UNC13C: variants seen among roughly 807,000 people sequenced by gnomAD.
UNC13C encodes the protein unc-13 homolog C.
In UNC13C, 174 loss-of-function variants were observed where a neutral mutation model predicts 245.4. The ratio of observed to expected loss-of-function variants is 0.71; its 90% CI spans 0.63 to 0.80. The LOEUF is 0.80. Among genes scored for constraint, UNC13C ranks in the 30% least tolerant of loss-of-function variants. The pLI is 0.00. For synonymous variants in UNC13C, 992 were observed against 895.1 expected, an observed-to-expected ratio of 1.11 and a Z score of -1.93; for missense variants, 2,829 against 2,602.9, an observed-to-expected ratio of 1.09 and a Z score of -1.89.
chr15:54,595,380 G>A (rs535640124), intron 30 of UNC13C, among the ~76,000 whole-genome samples: 1 of 151,970 alleles, frequency 6.6e-6, no homozygotes, highest in Non-Finnish European at 1.5e-5. Context: ...CACAAAGGAG[G>A]GTCTCCTTTT....
At chr15:54,060,867 G>A (rs12904351) in intron 2 of UNC13C, among the ~76,000 whole-genome samples, 2 of 151,794 alleles carry the variant, frequency 1.3e-5, no homozygotes, top group Middle Eastern at 3.2e-3. Flanking sequence ...CTATCACAAG[G>A]ACAAAAAACC....
intron 2 of UNC13C, among the ~76,000 whole-genome samples, chr15:54,038,124 A>ATATAAAAATTTTTTTTT: frequency 4.4e-5 from 2 of 45,040 alleles, no homozygotes; most frequent in African/African-American, 2.1e-4. Flanking sequence ...ATATATATAT[A>ATATAAAAATTTTTTTTT]TTTTTTTTTT....
At chr15:54,017,671 GC>G (rs1294928261) in intron 2 of UNC13C, among the ~76,000 whole-genome samples, 1 of 152,280 alleles carries the variant, frequency 6.6e-6, no homozygotes, top group East Asian at 1.9e-4. Context: ...AAATTAGCAA[GC>G]CTCTGCAAAG....
intron 18 of UNC13C, among the ~76,000 whole-genome samples, chr15:54,411,175 A>G (rs1367733110): frequency 6.6e-6 from 1 of 152,092 alleles, no homozygotes; most frequent in Non-Finnish European, 1.5e-5. Flanking sequence ...TCATTTGCCC[A>G]TTTTTATTGA....
intron 2 of UNC13C, among the ~76,000 whole-genome samples, chr15:54,082,945 C>G (rs1350088288): frequency 1.3e-5 from 2 of 152,152 alleles, no homozygotes; most frequent in African/African-American, 4.8e-5. Flanking sequence ...CCATCTCCTG[C>G]TGTGCTCCGG....
At chr15:54,033,741 G>A (rs1468982038) in intron 2 of UNC13C, among the ~76,000 whole-genome samples, 3 of 152,142 alleles carry the variant, frequency 2.0e-5, no homozygotes, top group African/African-American at 4.8e-5. Flanking sequence ...TGTTAGGACA[G>A]CACATGATAT....
Position 54,592,837 on chromosome 15 carries a change from G to A in UNC13C, c.6106+24890G>A, listed in dbSNP as rs375494013. On this transcript the variant is annotated intron_variant, in intron 30 of 32. Coordinates refer to ENST00000260323, the MANE Select transcript of UNC13C (RefSeq NM_001080534.3). Reference sequence around the variant, plus strand: ...AGGTACTATTGCATTCATCATGCTCGTTGTTGCCTGTGTACTTTGTTTTTT... The same window carrying A: ...AGGTACTATTGCATTCATCATGCTCATTGTTGCCTGTGTACTTTGTTTTTT... Among the ~76,000 whole-genome samples, 5 of 147,308 alleles carry A rather than the reference G, an allele frequency of 3.4e-5. No homozygotes were observed. In the East Asian group the frequency reaches 1.0e-3, roughly 29 times the overall value.
chr15:53,933,682 T>TG, the UNC13C span, among the ~76,000 whole-genome samples: 4 of 152,230 alleles, frequency 2.6e-5, no homozygotes, highest in African/African-American at 9.6e-5. Flanking sequence ...TGCACTATGC[T>TG]GTTGAATACG....
Position 54,271,125 on chromosome 15 carries a change from A to C in UNC13C, c.3818+5629A>C, listed in dbSNP as rs77156562. Among the ~76,000 whole-genome samples the C allele has an allele frequency of 1.4e-3, 207 of 152,252 alleles. 4 individuals are homozygous for C. In the East Asian group the frequency reaches 0.034, roughly 25 times the overall value. ...ATTTATAATCTTTAAAATACTATAG[A>C]TGTTGTGTGATTTCAGAATGGGGCA... On this transcript the variant is annotated intron_variant, in intron 10 of 32. Coordinates refer to ENST00000260323, the MANE Select transcript of UNC13C (RefSeq NM_001080534.3).
At position 54,013,423 on chromosome 15, in the gene UNC13C, C is replaced by A; in HGVS notation, c.520C>A (p.His174Asn). The A allele has an allele frequency of 6.2e-7, 1 of 1,613,864 alleles. No homozygotes were observed. The highest frequency in any genetic ancestry group is 8.5e-7 in the Non-Finnish European group (1 of 1,179,870). ...CAGCTCTGACGGGGAGCGTACTCTA[C>A]ATGGCTTAAAACTGGGAGCTTTACG... ...EGSSDGERTL[H>N]GLKLGALRKL... The change falls in exon 2 of 33, where the codon CAT becomes AAT. Residue 174 changes from histidine (H) to asparagine (N), a missense_variant. Physicochemically the swap from His to Asn is moderately conservative, Grantham distance 68 (BLOSUM62 1). Coordinates refer to ENST00000260323, the MANE Select transcript of UNC13C (RefSeq NM_001080534.3).
At chr15:54,274,321 TATCTA>T (rs2036772010) in intron 10 of UNC13C, among the ~76,000 whole-genome samples, 1 of 152,140 alleles carries the variant, frequency 6.6e-6, no homozygotes, top group African/African-American at 2.4e-5. Flanking sequence ...AAGGAAGAAA[TATCTA>T]AAACAAAACC....
the UNC13C span, among the ~76,000 whole-genome samples, chr15:53,943,192 C>G: frequency 5.9e-5 from 9 of 152,278 alleles, no homozygotes; most frequent in East Asian, 1.7e-3. Flanking sequence ...TACCTTTCCT[C>G]ACTGATTGGC....
intron 19 of UNC13C, among the ~76,000 whole-genome samples, chr15:54,456,017 T>G (rs1891501736): frequency 6.6e-6 from 1 of 152,212 alleles, no homozygotes; most frequent in Non-Finnish European, 1.5e-5. Flanking sequence ...GGCCTAAGTC[T>G]TTGATAAATC....
rs113053873 is a variant in UNC13C at position 54,111,606 on chromosome 15, C to T, written c.2984-31412C>T. On this transcript the variant is annotated intron_variant, in intron 2 of 32. Transcript: ENST00000260323. ...ATGATCACCACAAGACCTTTTAGTT[C>T]TGAGACACTTTGATTCCAATAAGTA... 1.1e-3 allele frequency among the ~76,000 whole-genome samples: 169 copies of T among 152,268 alleles called. 2 individuals are homozygous for T. Among genetic ancestry groups the T allele is most frequent in the African/African-American group, 3.4e-3 (142 of 41,538 alleles).
intron 2 of UNC13C, among the ~76,000 whole-genome samples, chr15:54,098,199 G>C (rs552195405): frequency 6.6e-6 from 1 of 152,120 alleles, no homozygotes; most frequent in East Asian, 1.9e-4. Context: ...TTTTGAGATG[G>C]AGTCTTGCTG....
intron 20 of UNC13C, among the ~76,000 whole-genome samples, chr15:54,496,900 T>C (rs898930347): frequency 6.6e-6 from 1 of 151,810 alleles, no homozygotes; most frequent in African/African-American, 2.4e-5. Flanking sequence ...CACCAAAATC[T>C]CAGAAATCAC....
In UNC13C at chr15:54,544,169, C is replaced by T. The variant is rs574057576; in HGVS notation, c.5697-2553C>T. Among the ~76,000 whole-genome samples the T allele has an allele frequency of 5.9e-5, 9 of 152,000 alleles. 1 individual carries two copies. In the South Asian group the frequency reaches 1.9e-3, roughly 32 times the overall value. The stretch of plus-strand genomic sequence containing the variant: ...ACAAATCAGTAAATGTAATCCATCA[C>T]ATAAACAGAACCAGCAACTTAAAAC... On this transcript the variant is annotated intron_variant, in intron 26 of 32. Transcript: ENST00000260323.
intron 31 of UNC13C, 27 bp from the exon 32 acceptor site, chr15:54,623,768 T>C: frequency 6.3e-7 from 1 of 1,594,734 alleles, no homozygotes; most frequent in Non-Finnish European, 8.6e-7. Flanking sequence ...ATCTGTTTGC[T>C]AAAATGTGAT....
chr15:54,041,336 ATTTTC>A (rs922421700), intron 2 of UNC13C, among the ~76,000 whole-genome samples: 2 of 152,060 alleles, frequency 1.3e-5, no homozygotes, highest in East Asian at 1.9e-4. Context: ...CATATTTTCT[ATTTTC>A]TTTTTGTGAT....
Sources: allele counts gnomAD v4.1 joint callset (sites outside exome capture counted in the v4.1 genomes callset), GRCh38; gene constraint gnomAD v4.1.1; transcripts MANE v1.5; gene names NCBI Gene and HGNC (gene_info 2026-07-23, HGNC 2026-07-21).